Variants in TIAM2 observed in about 807,000 individuals in gnomAD.
TIAM2 encodes TIAM Rac1 associated GEF 2, also known as rho guanine nucleotide exchange factor TIAM2.
TIAM2 carries 80 observed loss-of-function variants against 152.9 expected under a neutral mutation model. The observed-to-expected ratio is 0.52, with a 90% confidence interval of 0.44 to 0.63. The LOEUF (loss-of-function observed/expected upper bound fraction) is 0.63. Among genes scored for constraint, TIAM2 ranks in the 30% least tolerant of loss-of-function variants. The pLI is 0.00. For synonymous variants in TIAM2, 804 were observed against 838.0 expected (o/e 0.96, Z 0.70); for missense variants, 1,965 against 2,120.1 (o/e 0.93, Z 1.44).
intron 15 of TIAM2, among the ~76,000 whole-genome samples, chr6:155,228,774 C>T (rs1183846183): frequency 6.6e-6 from 1 of 152,018 alleles, no homozygotes; most frequent in Non-Finnish European, 1.5e-5. Context: ...AGAAGGCAGG[C>T]AGCGAGGACA....
chr6:154,999,786 C>T (rs755853803), intron 1 of TIAM2, among the ~76,000 whole-genome samples: 3 of 152,090 alleles, frequency 2.0e-5, no homozygotes, highest in African/African-American at 4.8e-5. Flanking sequence ...TCAAGCAATT[C>T]TCCTGCCTCA....
At chr6:155,187,573 C>CCTTTTTTTTTTTTTTTTTTTTTTTTTTTT (rs1189509294) in intron 14 of TIAM2, among the ~76,000 whole-genome samples, 3 of 49,616 alleles carry the variant, frequency 6.0e-5, no homozygotes, top group Non-Finnish European at 7.4e-5. Flanking sequence ...ACCCCGCCCC[C>CCTTTTTTTTTTTTTTTTTTTTTTTTTTTT]TTTTTTTTTT....
intron 2 of TIAM2, among the ~76,000 whole-genome samples, chr6:155,095,321 T>TTTG (rs953059439): frequency 6.6e-6 from 1 of 152,226 alleles, no homozygotes; most frequent in African/African-American, 2.4e-5. Flanking sequence ...AGAATCTGGC[T>TTTG]TTGTTTTGCT....
chr6:155,172,809 A>G (rs1279984421), intron 9 of TIAM2, among the ~76,000 whole-genome samples: 1 of 149,156 alleles, frequency 6.7e-6, no homozygotes, highest in African/African-American at 2.5e-5. Context: ...AAAAAGGTTA[A>G]TTTAACATAG....
chr6:155,208,230 C>T (rs1465607405), intron 14 of TIAM2, among the ~76,000 whole-genome samples: 1 of 152,170 alleles, frequency 6.6e-6, no homozygotes, highest in Non-Finnish European at 1.5e-5. Context: ...AGCACTAATG[C>T]AAATTTGATT....
intron 1 of TIAM2, among the ~76,000 whole-genome samples, chr6:155,059,329 C>CGCGCGTGTGCGT (rs141796855): frequency 7.1e-4 from 106 of 149,408 alleles, no homozygotes; most frequent in South Asian, 1.9e-3. Context: ...TGTGTGTGCG[C>CGCGCGTGTGCGT]GTGTATGTTT....
intron 1 of TIAM2, among the ~76,000 whole-genome samples, chr6:155,057,984 G>A (rs1048080895): frequency 6.6e-6 from 1 of 152,108 alleles, no homozygotes; most frequent in Non-Finnish European, 1.5e-5. Context: ...GGCTATTTAT[G>A]TTATACTTTA....
chr6:155,109,412 C>G (rs769882333), intron 2 of TIAM2, among the ~76,000 whole-genome samples: 2 of 152,060 alleles, frequency 1.3e-5, no homozygotes, highest in Non-Finnish European at 2.9e-5. Flanking sequence ...GTAATAACAG[C>G]TTTACTAGAA....
chr6:155,191,800 A>C (rs879611593), intron 14 of TIAM2, among the ~76,000 whole-genome samples: 22 of 123,654 alleles, frequency 1.8e-4, no homozygotes, highest in Non-Finnish European at 2.9e-4. Flanking sequence ...GTCTCATAAA[A>C]AACAACAACA....
At chr6:155,173,551 C>T (rs547821854) in intron 9 of TIAM2, among the ~76,000 whole-genome samples, 12 of 152,320 alleles carry the variant, frequency 7.9e-5, no homozygotes, top group Non-Finnish European at 1.5e-4. Flanking sequence ...ACTATGTCAA[C>T]AGATTTGAGT....
At chr6:155,139,811 G>A (rs565107105) in intron 5 of TIAM2, among the ~76,000 whole-genome samples, 42 of 152,106 alleles carry the variant, frequency 2.8e-4, no homozygotes, top group Admixed American at 1.9e-3. Flanking sequence ...ATGATGGCAG[G>A]TTCCTGTAAT....
At chr6:155,089,240 G>A (rs1056051053) in intron 1 of TIAM2, among the ~76,000 whole-genome samples, 1 of 150,194 alleles carries the variant, frequency 6.7e-6, no homozygotes, top group Non-Finnish European at 1.5e-5. Flanking sequence ...GGTGTGGGGG[G>A]ATGGAGTCTC....
intron 4 of TIAM2, among the ~76,000 whole-genome samples, chr6:155,136,210 G>C (rs985865448): frequency 6.8e-6 from 1 of 146,624 alleles, no homozygotes; most frequent in African/African-American, 2.5e-5. Context: ...AAAAAAAAAA[G>C]AAAAACAAAA....
chr6:155,029,859 C>G (rs956013160), intron 1 of TIAM2, among the ~76,000 whole-genome samples: 1 of 150,980 alleles, frequency 6.6e-6, no homozygotes, highest in African/African-American at 2.4e-5. Flanking sequence ...GTGGTGTGAT[C>G]GCGGCTCACT....
chr6:155,201,641 G>A (rs1181283667), intron 14 of TIAM2, among the ~76,000 whole-genome samples: 2 of 152,168 alleles, frequency 1.3e-5, no homozygotes, highest in Non-Finnish European at 2.9e-5. Context: ...ACATCTAAAC[G>A]CTCTTTTTCG....
intron 1 of TIAM2, among the ~76,000 whole-genome samples, chr6:155,067,258 T>C (rs1777715269): frequency 1.3e-5 from 2 of 152,048 alleles, no homozygotes; most frequent in Admixed American, 1.3e-4. Flanking sequence ...AGGGGAAGCT[T>C]TTGTGACTGT....
At position 155,257,096 on chromosome 6, in the gene TIAM2, A is replaced by C; in HGVS notation, c.5081A>C (p.Glu1694Ala). The change falls in exon 27 of 27, where the codon GAA becomes GCA. Residue 1694 changes from glutamate (E) to alanine (A), a missense_variant. Around this residue, in one of 3 missense-constraint regions of TIAM2, gnomAD observed 935 missense variants for 980.0 expected, o/e 0.95. Transcript: ENST00000682666. ...TSVVSEECFY[E>A]TESHGKS ...GTTGTCAGTGAGGAGTGTTTTTATG[A>C]AACAGAGAGCCACGGAAAATCATAG... 6.2e-7 allele frequency: 1 copy of C among 1,613,936 alleles called. No homozygotes were observed.
chr6:155,155,923 G>C lies in TIAM2; in HGVS notation c.2028+7589G>C, dbSNP rs560392506. On this transcript the variant is annotated intron_variant, in intron 7 of 26. Coordinates refer to ENST00000682666, the MANE Select transcript of TIAM2 (RefSeq NM_012454.4). ...CCTCAGTGACAGTGGCACTGCTAGA[G>C]AGAGTGCTAGAGCCTTCAGTGACAG... 3.3e-5 allele frequency among the ~76,000 whole-genome samples: 5 copies of C among 152,338 alleles called. No homozygotes were observed. In the South Asian group the frequency reaches 1.0e-3, roughly 32 times the overall value.
At chr6:155,047,811 G>C (rs954206388) in intron 1 of TIAM2, among the ~76,000 whole-genome samples, 3 of 151,732 alleles carry the variant, frequency 2.0e-5, no homozygotes, top group African/African-American at 7.3e-5. Flanking sequence ...TCTTCACTTC[G>C]GGGAGGGAAA....
Sources: allele counts gnomAD v4.1 joint callset (sites outside exome capture counted in the v4.1 genomes callset), GRCh38; gene constraint gnomAD v4.1.1; regional missense constraint gnomAD v4.1.1; transcripts MANE v1.5; gene names NCBI Gene and HGNC (gene_info 2026-07-23, HGNC 2026-07-21).